RPS6KC1: variants seen among roughly 807,000 people sequenced by gnomAD.
The protein encoded by RPS6KC1 is inactive ribosomal protein S6 kinase delta-1.
In RPS6KC1, 54 loss-of-function variants were observed where a neutral mutation model predicts 103.8. That is an observed-to-expected ratio of 0.52 (90% CI 0.42 to 0.65). The LOEUF is 0.65. Among genes scored for constraint, RPS6KC1 ranks in the 30% least tolerant of loss-of-function variants. The pLI, the probability that RPS6KC1 is intolerant of heterozygous loss-of-function variation, is 0.00. For missense variants in RPS6KC1, 1,151 were observed against 1,253.8 expected, an observed-to-expected ratio of 0.92 and a Z score of 1.24; for synonymous variants, 439 against 438.7, an observed-to-expected ratio of 1.00 and a Z score of -0.01.
chr1:213,086,406 A>G (rs937782554), intron 3 of RPS6KC1, among the ~76,000 whole-genome samples: 5 of 152,126 alleles, frequency 3.3e-5, no homozygotes, highest in Non-Finnish European at 5.9e-5. Context: ...CCCTCCTACT[A>G]TCATATTAGA....
At chr1:213,183,431 G>C (rs935613686) in intron 8 of RPS6KC1, among the ~76,000 whole-genome samples, 5 of 152,066 alleles carry the variant, frequency 3.3e-5, no homozygotes, top group African/African-American at 4.8e-5. Context: ...TGGAAGTATT[G>C]AAATCATACT....
At chr1:213,690,267 A>T in the RPS6KC1 span, among the ~76,000 whole-genome samples, 1 of 152,140 alleles carries the variant, frequency 6.6e-6, no homozygotes, top group African/African-American at 2.4e-5. Context: ...CAAGAAAGAT[A>T]TTCTCTATTT....
chr1:213,546,196 C>T, the RPS6KC1 span: 1 of 152,220 alleles, frequency 6.6e-6, no homozygotes, highest in South Asian at 2.1e-4. Flanking sequence ...TGAGCACTTA[C>T]TCTGCCAGGC....
chr1:213,529,725 G>A, the RPS6KC1 span, among the ~76,000 whole-genome samples: 3 of 152,124 alleles, frequency 2.0e-5, no homozygotes. Context: ...CTTGACTCCA[G>A]GGCTTACTTT....
intron 4 of RPS6KC1, among the ~76,000 whole-genome samples, chr1:213,113,361 C>T (rs967700435): frequency 7.9e-5 from 12 of 152,122 alleles, no homozygotes; most frequent in Non-Finnish European, 1.3e-4. Context: ...TAAATGTCTT[C>T]TTTTGAGAAG....
chr1:213,203,376 A>G (rs1403390479), intron 8 of RPS6KC1, among the ~76,000 whole-genome samples: 1 of 152,156 alleles, frequency 6.6e-6, no homozygotes, highest in Non-Finnish European at 1.5e-5. Flanking sequence ...ACTTCCTCGT[A>G]TCCTTACTGA....
chr1:213,320,556 C>T, the RPS6KC1 span, among the ~76,000 whole-genome samples: 4 of 152,222 alleles, frequency 2.6e-5, no homozygotes, highest in Non-Finnish European at 4.4e-5. Flanking sequence ...TTTTACACCT[C>T]ACTGAATCTT....
At chr1:213,385,184 GA>G in the RPS6KC1 span, among the ~76,000 whole-genome samples, 2 of 152,244 alleles carry the variant, frequency 1.3e-5, no homozygotes, top group African/African-American at 4.8e-5. Context: ...ACATAGGAAA[GA>G]GGTGGTGTCC....
At chr1:213,335,668 C>A in the RPS6KC1 span, among the ~76,000 whole-genome samples, 2 of 152,198 alleles carry the variant, frequency 1.3e-5, no homozygotes, top group South Asian at 2.1e-4. Context: ...TGTGGCCACA[C>A]CAAGATACAA....
the RPS6KC1 span, among the ~76,000 whole-genome samples, chr1:213,315,728 C>T: frequency 3.4e-4 from 52 of 152,310 alleles, no homozygotes; most frequent in East Asian, 1.2e-3. Flanking sequence ...CTGCCCCCCA[C>T]GGGCTTGTAC....
chr1:213,595,356 C>T, the RPS6KC1 span, among the ~76,000 whole-genome samples: 1 of 152,286 alleles, frequency 6.6e-6, no homozygotes, highest in Admixed American at 6.5e-5. Context: ...CAGTGATTTC[C>T]TCTTGTAGCC....
At chr1:213,608,674 C>T in the RPS6KC1 span, among the ~76,000 whole-genome samples, 1 of 152,034 alleles carries the variant, frequency 6.6e-6, no homozygotes, top group Admixed American at 6.5e-5. Context: ...AAAATTTCAC[C>T]AGACATAAAT....
At chr1:213,059,859 G>C (rs145441293) in intron 1 of RPS6KC1, among the ~76,000 whole-genome samples, 49 of 152,298 alleles carry the variant, frequency 3.2e-4, no homozygotes, top group African/African-American at 1.1e-3. Flanking sequence ...GTTTAATAGA[G>C]ATGGGGTTTC....
chr1:213,151,921 C>A (rs1394414311), intron 6 of RPS6KC1, among the ~76,000 whole-genome samples: 1 of 120,096 alleles, frequency 8.3e-6, no homozygotes, highest in South Asian at 2.8e-4. Flanking sequence ...GCTGGCCGGG[C>A]GGGGGGCTGA....
the RPS6KC1 span, among the ~76,000 whole-genome samples, chr1:213,679,936 C>G: frequency 6.6e-6 from 1 of 152,128 alleles, no homozygotes; most frequent in African/African-American, 2.4e-5. Context: ...ATGTAAGACT[C>G]CATAGTGACA....
At chr1:213,142,831 C>G (rs1464552816) in intron 6 of RPS6KC1, among the ~76,000 whole-genome samples, 1 of 152,008 alleles carries the variant, frequency 6.6e-6, no homozygotes, top group Non-Finnish European at 1.5e-5. Flanking sequence ...AGACATAATG[C>G]TATTGCACTC....
the RPS6KC1 span, among the ~76,000 whole-genome samples, chr1:213,426,985 T>C: frequency 6.6e-6 from 1 of 152,206 alleles, no homozygotes; most frequent in Non-Finnish European, 1.5e-5. Flanking sequence ...AAAAGGCAAG[T>C]TTGTTCCTTA....
chr1:213,691,260 A>G, the RPS6KC1 span, among the ~76,000 whole-genome samples: 1 of 152,206 alleles, frequency 6.6e-6, no homozygotes, highest in Non-Finnish European at 1.5e-5. Context: ...GACAGCACAA[A>G]GAGATTCTCT....
chr1:213,836,016 G>A, the RPS6KC1 span: 1 of 151,904 alleles, frequency 6.6e-6, no homozygotes, highest in Non-Finnish European at 1.5e-5. Flanking sequence ...ATAATTTGGG[G>A]AGAATTGACA....
Sources: gnomAD v4.1 joint callset for allele counts (sites outside exome capture counted in the v4.1 genomes callset) on GRCh38, gnomAD v4.1.1 for gene constraint, MANE v1.5 for transcripts, NCBI Gene and HGNC (gene_info 2026-07-23, HGNC 2026-07-21) for gene names.